BMAL2: variants seen among roughly 807,000 people sequenced by gnomAD.
BMAL2 encodes the protein basic helix-loop-helix ARNT-like protein 2.
chr12:27,385,437 C>G, the BMAL2 span: 2 of 1,327,564 alleles, frequency 1.5e-6, no homozygotes, highest in Admixed American at 1.7e-5. Context: ...GCATTTTGCC[C>G]TCTCTACTAT....
At chr12:27,401,150 C>G in the BMAL2 span, 585 of 879,826 alleles carry the variant, frequency 6.6e-4, 4 homozygotes, top group African/African-American at 8.5e-3. Flanking sequence ...GTCACTCATC[C>G]CCTACCCTGT....
chr12:27,342,537 A>G, the BMAL2 span, among the ~76,000 whole-genome samples: 1 of 152,258 alleles, frequency 6.6e-6, no homozygotes, highest in African/African-American at 2.4e-5. Context: ...AGATGTTAAA[A>G]GGAATAGAAG....
At chr12:27,343,113 ATT>A in the BMAL2 span, among the ~76,000 whole-genome samples, 3 of 152,216 alleles carry the variant, frequency 2.0e-5, no homozygotes, top group Non-Finnish European at 2.9e-5. Context: ...TGTGATCATC[ATT>A]GTTTGTAGGG....
chr12:27,400,523 C>A, the BMAL2 span: 3 of 1,539,932 alleles, frequency 1.9e-6, no homozygotes, highest in East Asian at 2.3e-5. Context: ...TTTTAAAAAT[C>A]TTTGAATTAG....
chr12:27,336,474 G>A, the BMAL2 span, among the ~76,000 whole-genome samples: 1 of 152,240 alleles, frequency 6.6e-6, no homozygotes, highest in South Asian at 2.1e-4. Context: ...GTAGTAGCGT[G>A]TAGTATTTCT....
At chr12:27,368,973 A>G in the BMAL2 span, among the ~76,000 whole-genome samples, 2 of 152,214 alleles carry the variant, frequency 1.3e-5, no homozygotes, top group Non-Finnish European at 1.5e-5. Flanking sequence ...TAGAGTTTAT[A>G]TGGTGAAAAC....
chr12:27,414,888 AAAAG>A, the BMAL2 span, among the ~76,000 whole-genome samples: 1 of 152,158 alleles, frequency 6.6e-6, no homozygotes, highest in African/African-American at 2.4e-5. Context: ...ACTAAGAAAA[AAAAG>A]AGAGAAGTCT....
the BMAL2 span, among the ~76,000 whole-genome samples, chr12:27,344,724 A>G: frequency 1.3e-5 from 2 of 152,238 alleles, no homozygotes; most frequent in African/African-American, 4.8e-5. Context: ...AACAACACCT[A>G]GAAAACTGTT....
the BMAL2 span, among the ~76,000 whole-genome samples, chr12:27,362,180 TTTTGA>T: frequency 8.1e-4 from 124 of 152,302 alleles, no homozygotes; most frequent in South Asian, 0.022. Flanking sequence ...GAATTTTTCC[TTTTGA>T]TTTGTCATTT....
the BMAL2 span, among the ~76,000 whole-genome samples, chr12:27,404,612 C>A: frequency 6.6e-6 from 1 of 152,090 alleles, no homozygotes; most frequent in African/African-American, 2.4e-5. Flanking sequence ...AAAACTAAAG[C>A]TTTTCGGGTG....
the BMAL2 span, among the ~76,000 whole-genome samples, chr12:27,413,640 T>A: frequency 6.6e-6 from 1 of 152,166 alleles, no homozygotes; most frequent in Admixed American, 6.5e-5. Flanking sequence ...TATAGCCTAG[T>A]AGGTACTTTA....
At chr12:27,403,498 A>G in the BMAL2 span, 2 of 1,611,192 alleles carry the variant, frequency 1.2e-6, no homozygotes, top group Non-Finnish European at 1.7e-6. Context: ...TGGTGCTGGT[A>G]GTATTGGAAC....
At chr12:27,335,859 A>T in the BMAL2 span, among the ~76,000 whole-genome samples, 2 of 152,188 alleles carry the variant, frequency 1.3e-5, no homozygotes, top group Non-Finnish European at 2.9e-5. Flanking sequence ...GTTTGACTCC[A>T]GGAAAAACAA....
At chr12:27,377,007 A>C in the BMAL2 span, among the ~76,000 whole-genome samples, 2 of 148,920 alleles carry the variant, frequency 1.3e-5, no homozygotes, top group Non-Finnish European at 3.0e-5. Flanking sequence ...TCTCAAAAAA[A>C]AAAAAAAAAA....
the BMAL2 span, among the ~76,000 whole-genome samples, chr12:27,361,971 A>G: frequency 1.3e-5 from 2 of 152,172 alleles, no homozygotes; most frequent in Non-Finnish European, 2.9e-5. Flanking sequence ...TTTAAAGGTT[A>G]ATAAGGAAGT....
chr12:27,414,440 G>T, the BMAL2 span, among the ~76,000 whole-genome samples: 1 of 152,192 alleles, frequency 6.6e-6, no homozygotes, highest in East Asian at 1.9e-4. Context: ...GAGCATGGAA[G>T]TCCTATCAGG....
chr12:27,385,454 A>C, the BMAL2 span: 3 of 1,508,800 alleles, frequency 2.0e-6, no homozygotes, highest in Non-Finnish European at 2.8e-6. Context: ...CTATATTTCC[A>C]ATAACTCTTG....
chr12:27,367,937 C>G, the BMAL2 span, among the ~76,000 whole-genome samples: 1 of 151,716 alleles, frequency 6.6e-6, no homozygotes, highest in African/African-American at 2.4e-5. Context: ...CTCTGCCTCC[C>G]AGGTTCAAGG....
the BMAL2 span, chr12:27,389,398 CAA>C: frequency 4.2e-6 from 3 of 713,832 alleles, no homozygotes; most frequent in Admixed American, 2.8e-5. Context: ...AAGCTTTTAT[CAA>C]GAGAGAATTG....
Sources: gnomAD v4.1 joint callset for allele counts (sites outside exome capture counted in the v4.1 genomes callset) on GRCh38, gnomAD v4.1.1 for gene constraint, MANE v1.5 for transcripts, NCBI Gene and HGNC (gene_info 2026-07-23, HGNC 2026-07-21) for gene names.